SH2D3C: variants seen among roughly 807,000 people sequenced by gnomAD.
SH2D3C encodes the protein SH2 domain containing 3C, also known as SH2 domain-containing protein 3C.
In SH2D3C, 25 loss-of-function variants were observed where a neutral mutation model predicts 75.2. That is an observed-to-expected ratio of 0.33 (90% CI 0.24 to 0.46). SH2D3C has a LOEUF of 0.46. SH2D3C is among the 20% of genes least tolerant of loss of function. SH2D3C has a pLI of 1.00. For synonymous variants in SH2D3C, 450 were observed against 473.7 expected (o/e 0.95, Z 0.65); for missense variants, 933 against 1,165.3 (o/e 0.80, Z 2.90).
intron 2 of SH2D3C, among the ~76,000 whole-genome samples, chr9:127,772,096 T>G (rs1200544933): frequency 6.6e-6 from 1 of 152,138 alleles, no homozygotes; most frequent in East Asian, 1.9e-4. Context: ...TCCTCACTGA[T>G]CAGGGGTCTA....
intron 2 of SH2D3C, among the ~76,000 whole-genome samples, chr9:127,770,329 TG>T (rs560583106): frequency 1.3e-5 from 2 of 152,130 alleles, no homozygotes; most frequent in Non-Finnish European, 2.9e-5. Context: ...AGCTTAGGCC[TG>T]GGATGGCCTC....
intron 3 of SH2D3C, among the ~76,000 whole-genome samples, chr9:127,752,109 C>T (rs1032405143): frequency 6.6e-6 from 1 of 152,102 alleles, no homozygotes; most frequent in Non-Finnish European, 1.5e-5. Flanking sequence ...CCCAGAAACT[C>T]CTGGTTTCTT....
At chr9:127,750,968 A>T (rs569511021) in intron 4 of SH2D3C, among the ~76,000 whole-genome samples, 209 of 152,378 alleles carry the variant, frequency 1.4e-3, no homozygotes, top group African/African-American at 4.7e-3. Context: ...TTTGCAGTAG[A>T]TACTGAGGCT....
chr9:127,762,422 G>A, intron 2 of SH2D3C: 5 of 781,092 alleles, frequency 6.4e-6, no homozygotes, highest in Non-Finnish European at 9.8e-6. Flanking sequence ...GATATCTGAA[G>A]GCCATCTACA....
chr9:127,778,159 T>C (rs979256794), intron 1 of SH2D3C, among the ~76,000 whole-genome samples: 2 of 151,930 alleles, frequency 1.3e-5, no homozygotes, highest in African/African-American at 4.8e-5. Context: ...AGCTAATTTT[T>C]TGTATTTTTA....
intron 8 of SH2D3C, 61 bp from the exon 9 acceptor site, chr9:127,742,020 T>C: frequency 1.3e-6 from 2 of 1,488,422 alleles, no homozygotes; most frequent in South Asian, 1.3e-5. Context: ...GGTGCGGGCC[T>C]GGGGCGCTGC....
intron 2 of SH2D3C, among the ~76,000 whole-genome samples, chr9:127,762,965 C>A (rs898604587): frequency 3.3e-5 from 5 of 152,208 alleles, no homozygotes; most frequent in African/African-American, 1.2e-4. Flanking sequence ...CCCACAAGGC[C>A]CTGTGTGGCC....
At chr9:127,771,259 G>A (rs1312984935) in intron 2 of SH2D3C, 2 of 1,539,376 alleles carry the variant, frequency 1.3e-6, no homozygotes, top group East Asian at 2.5e-5. Context: ...CCGGCAACCC[G>A]GGGACCTCCT....
intron 2 of SH2D3C, among the ~76,000 whole-genome samples, chr9:127,764,347 C>A (rs1222042918): frequency 2.0e-5 from 3 of 152,204 alleles, no homozygotes; most frequent in Admixed American, 6.5e-5. Flanking sequence ...CAATCCGCTG[C>A]CATCACTTGC....
chr9:127,755,309 C>T (rs1554798146), intron 3 of SH2D3C: 1 of 149,430 alleles, frequency 6.7e-6, no homozygotes, highest in African/African-American at 2.6e-5. Context: ...AGCGGGGAGG[C>T]GGGGCGGGGA....
At chr9:127,772,690 C>A (rs1845756956) in intron 2 of SH2D3C, among the ~76,000 whole-genome samples, 1 of 152,102 alleles carries the variant, frequency 6.6e-6, no homozygotes, top group Non-Finnish European at 1.5e-5. Context: ...AAAGGCATGG[C>A]CCTAGGATTG....
At chr9:127,778,309 T>G (rs1829073281) in intron 1 of SH2D3C, among the ~76,000 whole-genome samples, 1 of 151,568 alleles carries the variant, frequency 6.6e-6, no homozygotes, top group African/African-American at 2.4e-5. Flanking sequence ...AAAAAAAGAT[T>G]TAATTGTGCC....
At chr9:127,766,849 C>T (rs1588521287) in intron 2 of SH2D3C, 36 of 1,344,752 alleles carry the variant, frequency 2.7e-5, no homozygotes, top group South Asian at 2.7e-4. Flanking sequence ...GGGTTACAGG[C>T]GTGAGCCCTG....
In SH2D3C at chr9:127,749,586, G is replaced by T; in HGVS notation, c.764C>A (p.Thr255Lys). ...CAAGGCCTGGTTGCGCCAGCGGCAC[G>T]TGAGCACATAGTCGCCCAGGCTGGT... The part of the protein sequence containing the change: ...SLTSLGDYVL[T>K]CRWRNQALHF... The change falls in exon 5 of 12, where the codon ACG becomes AAG. Residue 255 changes from threonine (T) to lysine (K), a missense_variant. Coordinates refer to ENST00000314830, the MANE Select transcript of SH2D3C (RefSeq NM_170600.3). This position sits in a 1 kb window ranked among gnomAD's most constrained non-coding sequence, Gnocchi z 5.9. The T allele has an allele frequency of 1.2e-6, 2 of 1,607,378 alleles. No individual in the cohort carries two copies. The highest frequency in any genetic ancestry group is 1.7e-6 in the Non-Finnish European group (2 of 1,176,998).
chr9:127,752,452 C>T (rs753545166), intron 3 of SH2D3C, among the ~76,000 whole-genome samples: 5 of 152,110 alleles, frequency 3.3e-5, no homozygotes, highest in South Asian at 2.1e-4. Context: ...CAGACCCCAG[C>T]GCTGGCCAGA....
At chr9:127,766,773 T>C in intron 2 of SH2D3C, 2 of 656,836 alleles carry the variant, frequency 3.0e-6, no homozygotes, top group African/African-American at 1.8e-5. Context: ...TTTCACCATG[T>C]TGGCCAGGCT....
In SH2D3C at chr9:127,739,695, T is replaced by C. The variant is rs1844792070; in HGVS notation, c.2394A>G (p.Glu798=). ...CCCGCCACTCACCCTGCAGCTTGAC[T>C]TCAGCATTGGTGTGGTACAGGCCTC... ...HHGGLYHTNA[E]VKLQGFQARP... is the part of the protein sequence containing the mutation. The change falls in exon 11 of 12, where the codon GAA becomes GAG. Residue 798 remains glutamate (E), a synonymous_variant. Coordinates refer to ENST00000314830, the MANE Select transcript of SH2D3C (RefSeq NM_170600.3). This position sits in a 1 kb window ranked among gnomAD's most constrained non-coding sequence, Gnocchi z 4.3. The C allele has an allele frequency of 5.0e-6, 8 of 1,605,216 alleles. No homozygotes were observed. The highest frequency in any genetic ancestry group is 6.8e-6 in the Non-Finnish European group (8 of 1,175,158).
chr9:127,767,646 G>A (rs1189301753), intron 2 of SH2D3C, among the ~76,000 whole-genome samples: 1 of 152,214 alleles, frequency 6.6e-6, no homozygotes, highest in Non-Finnish European at 1.5e-5. Flanking sequence ...GTGGCTCTGG[G>A]CAAGTCCCTC....
intron 7 of SH2D3C, among the ~76,000 whole-genome samples, chr9:127,743,232 G>C (rs1844919824): frequency 6.6e-6 from 1 of 152,224 alleles, no homozygotes; most frequent in African/African-American, 2.4e-5. Flanking sequence ...GCCGGGCGGG[G>C]TGGCTCACGC....
Sources: allele counts gnomAD v4.1 joint callset (sites outside exome capture counted in the v4.1 genomes callset), GRCh38; gene constraint gnomAD v4.1.1; non-coding constraint Gnocchi (gnomAD v3.1); transcripts MANE v1.5; gene names NCBI Gene and HGNC (gene_info 2026-07-23, HGNC 2026-07-21).